SLC22A4: variants seen among roughly 807,000 people sequenced by gnomAD.
SLC22A4 encodes solute carrier family 22 member 4.
SLC22A4 carries 39 observed loss-of-function variants against 56.6 expected under a neutral mutation model. The ratio of observed to expected loss-of-function variants is 0.69; its 90% CI spans 0.53 to 0.90. The LOEUF (loss-of-function observed/expected upper bound fraction) is 0.90, where lower values mean the gene tolerates loss of function less well. Ranked by LOEUF, SLC22A4 falls within the 40% of genes least tolerant of loss-of-function variation. SLC22A4 has a pLI of 0.00. For synonymous variants in SLC22A4, 241 were observed against 281.4 expected, an observed-to-expected ratio of 0.86 and a Z score of 1.44; for missense variants, 594 against 696.5, an observed-to-expected ratio of 0.85 and a Z score of 1.66.
intron 5 of SLC22A4, 142 bp downstream of exon 5, chr5:132,327,545 C>A: frequency 3.0e-6 from 2 of 676,088 alleles, no homozygotes; most frequent in Non-Finnish European, 5.2e-6. Context: ...TGATTAAATT[C>A]TAAGATAAAA....
At chr5:132,316,257 G>A (rs1193732248) in intron 3 of SLC22A4, among the ~76,000 whole-genome samples, 2 of 152,116 alleles carry the variant, frequency 1.3e-5, no homozygotes, top group Non-Finnish European at 2.9e-5. Context: ...GATCAAGGCT[G>A]CCACAGTCGT....
At chr5:132,304,760 A>G (rs760311243) in intron 1 of SLC22A4, among the ~76,000 whole-genome samples, 1 of 152,000 alleles carries the variant, frequency 6.6e-6, no homozygotes, top group Non-Finnish European at 1.5e-5. Flanking sequence ...TGACCTATAC[A>G]TGGGGGGAAA....
chr5:132,327,006 G>T (rs545382514), intron 4 of SLC22A4, among the ~76,000 whole-genome samples: 4 of 152,328 alleles, frequency 2.6e-5, no homozygotes, highest in South Asian at 2.1e-4. Flanking sequence ...CCAGAGCCCT[G>T]GCTCAAACAT....
At chr5:132,343,277 C>T (rs1751274389) in intron 9 of SLC22A4, among the ~76,000 whole-genome samples, 1 of 152,182 alleles carries the variant, frequency 6.6e-6, no homozygotes, top group South Asian at 2.1e-4. Flanking sequence ...TTAATATTCA[C>T]TAAGCTTCAG....
chr5:132,343,647 T>C (rs897821054), intron 9 of SLC22A4, 113 bp from the exon 10 acceptor site: 15 of 704,114 alleles, frequency 2.1e-5, no homozygotes, highest in African/African-American at 3.6e-5. Flanking sequence ...AGAGTTCAAA[T>C]AGTTACTTGT....
intron 1 of SLC22A4, among the ~76,000 whole-genome samples, chr5:132,310,430 G>A (rs542954038): frequency 3.9e-5 from 6 of 152,294 alleles, no homozygotes; most frequent in Middle Eastern, 3.4e-3. Flanking sequence ...TACCACTTCC[G>A]GTCTATGGAC....
chr5:132,321,618 A>G (rs1750540215), intron 3 of SLC22A4, among the ~76,000 whole-genome samples: 1 of 152,230 alleles, frequency 6.6e-6, no homozygotes, highest in Non-Finnish European at 1.5e-5. Context: ...ATGGCCTTAA[A>G]ATAAGTTGGC....
chr5:132,324,919 A>G (rs1198461939), intron 4 of SLC22A4, among the ~76,000 whole-genome samples: 1 of 152,238 alleles, frequency 6.6e-6, no homozygotes. Context: ...CCCTGAGTAC[A>G]GTGGGCTAGA....
At chr5:132,295,778 A>G (rs1749765816) in intron 1 of SLC22A4, among the ~76,000 whole-genome samples, 1 of 152,262 alleles carries the variant, frequency 6.6e-6, no homozygotes, top group African/African-American at 2.4e-5. Context: ...TCTTCTGAGG[A>G]GAGCATCCTC....
At chr5:132,326,269 C>A (rs1307904224) in intron 4 of SLC22A4, among the ~76,000 whole-genome samples, 1 of 152,218 alleles carries the variant, frequency 6.6e-6, no homozygotes, top group Non-Finnish European at 1.5e-5. Flanking sequence ...CTACCTTAAA[C>A]ATGCTCAGAA....
rs1202808968 is a variant in SLC22A4, at chr5:132,344,154, T to G, written c.*319T>G. The G allele has an allele frequency of 3.7e-6, 1 of 272,674 alleles. No individual in the cohort carries two copies. Among genetic ancestry groups the G allele is most frequent in the African/African-American group, 2.2e-5 (1 of 45,292 alleles). The allele number at this position is 272,674 out of a possible 1,614,324, so 16.9% of individuals were successfully genotyped here. On this transcript the variant is annotated 3_prime_UTR_variant, in exon 10 of 10. Transcript: ENST00000200652. ...CACTCATTTCCAATCATACAAATAC[T>G]ATCCAAATAAAAATAACATCATTGT...
intron 1 of SLC22A4, among the ~76,000 whole-genome samples, chr5:132,303,772 C>T (rs1749959360): frequency 6.6e-6 from 1 of 152,204 alleles, no homozygotes; most frequent in Non-Finnish European, 1.5e-5. Flanking sequence ...CCACACCAAG[C>T]TCCCACTTCC....
intron 1 of SLC22A4, chr5:132,311,884 A>C (rs1446939538): frequency 7.8e-6 from 4 of 515,508 alleles, no homozygotes; most frequent in Non-Finnish European, 1.4e-5. Context: ...GCTTCTTGCT[A>C]TGTAATGCGA....
intron 4 of SLC22A4, among the ~76,000 whole-genome samples, 178 bp downstream of exon 4, chr5:132,322,533 T>C (rs571816840): frequency 9.9e-5 from 15 of 152,204 alleles, no homozygotes; most frequent in Non-Finnish European, 2.1e-4. Flanking sequence ...TGCTGGAGTT[T>C]GAGTCTCCAT....
At chr5:132,310,715 A>C (rs1482159281) in intron 1 of SLC22A4, among the ~76,000 whole-genome samples, 1 of 152,206 alleles carries the variant, frequency 6.6e-6, no homozygotes, top group Non-Finnish European at 1.5e-5. Flanking sequence ...ACTATTCTCG[A>C]GGACATTATC....
intron 5 of SLC22A4, among the ~76,000 whole-genome samples, chr5:132,327,950 T>C (rs755321369): frequency 5.9e-5 from 9 of 152,170 alleles, no homozygotes; most frequent in Middle Eastern, 6.3e-3. Context: ...CAGCCACACC[T>C]CCTGACAGTT....
At chr5:132,340,077 T>G (rs1380752311) in intron 8 of SLC22A4, among the ~76,000 whole-genome samples, 3 of 148,044 alleles carry the variant, frequency 2.0e-5, no homozygotes, top group African/African-American at 2.5e-5. Flanking sequence ...TTTTTTTTTT[T>G]TTTTTTTTTT....
At chr5:132,338,741 A>G (rs1183946189) in intron 8 of SLC22A4, among the ~76,000 whole-genome samples, 1 of 152,256 alleles carries the variant, frequency 6.6e-6, no homozygotes, top group Non-Finnish European at 1.5e-5. Flanking sequence ...ACCAGCGGTC[A>G]GAGTTTAAGG....
intron 7 of SLC22A4, 111 bp downstream of exon 7, chr5:132,335,043 A>C: frequency 1.3e-6 from 1 of 799,338 alleles, no homozygotes; most frequent in Non-Finnish European, 2.2e-6. Context: ...TAAGCCATTC[A>C]TAAGTCAATT....
Sources: gnomAD v4.1 joint callset for allele counts (sites outside exome capture counted in the v4.1 genomes callset) on GRCh38, gnomAD v4.1.1 for gene constraint, MANE v1.5 for transcripts, NCBI Gene and HGNC (gene_info 2026-07-23, HGNC 2026-07-21) for gene names.